The following ALDH1L1 variants were observed in gnomAD, a reference collection of about 807,000 sequenced individuals.
ALDH1L1 encodes aldehyde dehydrogenase 1 family member L1.
In ALDH1L1, 68 loss-of-function variants were observed where a neutral mutation model predicts 101.1. The observed-to-expected ratio is 0.67, with a 90% CI of 0.55 to 0.82. ALDH1L1 has a LOEUF of 0.82. ALDH1L1 is among the 40% of genes least tolerant of loss of function. The pLI is 0.00. For missense variants in ALDH1L1, 1,087 were observed against 1,172.7 expected (o/e 0.93, Z 1.07); for synonymous variants, 486 against 470.8 (o/e 1.03, Z -0.42).
intron 1 of ALDH1L1, among the ~76,000 whole-genome samples, chr3:126,172,440 T>C (rs1341732731): frequency 2.0e-5 from 3 of 152,110 alleles, no homozygotes; most frequent in African/African-American, 7.2e-5. Flanking sequence ...GCAAAGAATG[T>C]CTTTAATAGG....
chr3:126,176,939 G>A (rs148202979), intron 1 of ALDH1L1, among the ~76,000 whole-genome samples: 137 of 152,342 alleles, frequency 9.0e-4, no homozygotes, highest in African/African-American at 3.2e-3. Flanking sequence ...ACAGATGGCA[G>A]AGAAGCATTT....
intron 22 of ALDH1L1, chr3:126,105,180 G>A: frequency 5.3e-6 from 1 of 187,764 alleles, no homozygotes; most frequent in Non-Finnish European, 1.1e-5. Context: ...TCACCCGGGG[G>A]TACATTTGGT....
intron 17 of ALDH1L1, chr3:126,115,242 A>G: frequency 2.6e-6 from 1 of 377,888 alleles, no homozygotes; most frequent in South Asian, 1.9e-5. Context: ...GCTGGGAGTC[A>G]TGAACACATC....
intron 20 of ALDH1L1, among the ~76,000 whole-genome samples, chr3:126,107,554 G>A (rs1018726259): frequency 2.0e-5 from 3 of 152,366 alleles, no homozygotes; most frequent in East Asian, 3.9e-4. Flanking sequence ...ACCCATGGCC[G>A]AAGCAAAGAC....
chr3:126,180,272 G>C (rs2081449863), intron 1 of ALDH1L1: 1 of 209,958 alleles, frequency 4.8e-6, no homozygotes, highest in Non-Finnish European at 8.4e-6. Context: ...CCCCTGGCCA[G>C]GTTCAGCCTC....
At chr3:126,147,024 G>A (rs41265743) in intron 8 of ALDH1L1, 98 bp from the exon 9 acceptor site, 49,575 of 1,146,540 alleles carry the variant, frequency 0.043, 1,215 homozygotes, top group South Asian at 0.057. Flanking sequence ...GGATGGCCTG[G>A]GGCCAGGCTG....
chr3:126,146,101 T>G (rs1427926273), intron 9 of ALDH1L1, among the ~76,000 whole-genome samples: 1 of 152,168 alleles, frequency 6.6e-6, no homozygotes, highest in African/African-American at 2.4e-5. Context: ...CTCATATGCA[T>G]GGTCAATTGC....
chr3:126,174,925 T>C (rs2081344627), intron 1 of ALDH1L1, among the ~76,000 whole-genome samples: 1 of 152,032 alleles, frequency 6.6e-6, no homozygotes, highest in Non-Finnish European at 1.5e-5. Context: ...GAAAACATGC[T>C]GTCAATAGAG....
chr3:126,156,884 G>C (rs928789419), intron 4 of ALDH1L1, among the ~76,000 whole-genome samples: 1 of 152,200 alleles, frequency 6.6e-6, no homozygotes, highest in African/African-American at 2.4e-5. Context: ...CTGGAATCAA[G>C]AATTAGAATC....
chr3:126,105,796 G>A lies in ALDH1L1; in HGVS notation c.2583C>T (p.Asn861=), dbSNP rs779608112. 1 of 1,614,220 alleles carries A rather than the reference G, an allele frequency of 6.2e-7. No homozygotes were observed. The highest frequency in any genetic ancestry group is 8.5e-7 in the Non-Finnish European group (1 of 1,180,044). The change falls in exon 22 of 23, where the codon AAC becomes AAT. Residue 861 remains asparagine (N), a synonymous_variant. Transcript: ENST00000393434. The part of the protein sequence containing the change: ...DKLQAGTVFV[N]TYNKTDVAAP... ...CGGCCACGTCGGTCTTGTTGTACGT[G>A]TTGACAAACACAGTGCCTGCCTGGA...
At chr3:126,188,369 A>G (rs1289521351) in intron 1 of ALDH1L1, among the ~76,000 whole-genome samples, 1 of 152,238 alleles carries the variant, frequency 6.6e-6, no homozygotes, top group African/African-American at 2.4e-5. Flanking sequence ...GTGGGACTTC[A>G]GTATGCACGG....
chr3:126,112,983 C>T (rs1182867128), intron 18 of ALDH1L1, 103 bp from the exon 19 acceptor site: 38 of 983,668 alleles, frequency 3.9e-5, no homozygotes, highest in Non-Finnish European at 5.4e-5. Context: ...AAAGGAGGCA[C>T]CCATGTGTCC....
At chr3:126,137,538 A>G (rs931741053) in intron 10 of ALDH1L1, among the ~76,000 whole-genome samples, 1 of 152,208 alleles carries the variant, frequency 6.6e-6, no homozygotes, top group Non-Finnish European at 1.5e-5. Context: ...GTGGGAACTA[A>G]AAGTCTCTTC....
intron 4 of ALDH1L1, chr3:126,156,470 A>C (rs4234272): frequency 0.58 from 87,833 of 152,264 alleles, 25,983 homozygotes; most frequent in African/African-American, 0.7. Context: ...GCTGCGCCCA[A>C]ACAGCAAGGG....
Position 126,103,933 on chromosome 3 carries a change from C to G in ALDH1L1, c.2654-87G>C. 22 of 1,468,520 alleles carry G rather than the reference C, an allele frequency of 1.5e-5. 1 individual carries two copies. In the South Asian group the frequency reaches 2.6e-4, roughly 18 times the overall value. The allele number at this position is 1,468,520 out of a possible 1,614,324, so 91.0% of individuals were successfully genotyped here. ...CAAGTGTCTTATTCCTCAGCAACCA[C>G]GTGGGGGCAGCTCTGGCTCACCCCA... On this transcript the variant is annotated intron_variant, in intron 22 of 22. Coordinates refer to ENST00000393434, the MANE Select transcript of ALDH1L1 (RefSeq NM_012190.4).
At position 126,109,929 on chromosome 3, in the gene ALDH1L1, C is replaced by T. The variant is rs373455389; in HGVS notation, c.2347+15G>A. 6.2e-6 allele frequency: 10 copies of T among 1,612,978 alleles called. No individual in the cohort carries two copies. The highest frequency in any genetic ancestry group is 1.1e-5 in the South Asian group (1 of 91,076). ...CCTCAATTGACCCAAGCGGACCTGACACACTCTGACTCACCTGGCCGAGGG... is the reference window on the plus strand; with the variant it reads ...CCTCAATTGACCCAAGCGGACCTGATACACTCTGACTCACCTGGCCGAGGG... On this transcript the variant is annotated intron_variant, in intron 20 of 22. Transcript: ENST00000393434.
At position 126,154,599 on chromosome 3, in the gene ALDH1L1, G is replaced by A. The variant is rs567115373; in HGVS notation, c.675C>T (p.Arg225=). The change falls in exon 6 of 23, where the codon CGC becomes CGT. Residue 225 remains arginine (R), a synonymous_variant. Coordinates refer to ENST00000393434, the MANE Select transcript of ALDH1L1 (RefSeq NM_012190.4). ...QPAEAIHNWI[R]GNDKVPGAWT... is the part of the protein sequence containing the mutation. Reference sequence around the variant, plus strand: ...AGGCTCCCGGCACCTTGTCGTTCCCGCGGATCCAGTTGTGAATGGCCTCTG... The same window carrying A: ...AGGCTCCCGGCACCTTGTCGTTCCCACGGATCCAGTTGTGAATGGCCTCTG... The A allele has an allele frequency of 3.8e-5, 61 of 1,614,168 alleles. No homozygotes were observed. In the East Asian group the frequency reaches 4.0e-4, roughly 11 times the overall value.
chr3:126,112,981 C>A, intron 18 of ALDH1L1, 101 bp from the exon 19 acceptor site: 1 of 1,023,196 alleles, frequency 9.8e-7, no homozygotes, highest in Non-Finnish European at 1.5e-6. Flanking sequence ...GGAAAGGAGG[C>A]ACCCATGTGT....
At chr3:126,147,066 C>CCTGGG in intron 8 of ALDH1L1, 140 bp from the exon 9 acceptor site, 3 of 756,518 alleles carry the variant, frequency 4.0e-6, no homozygotes, top group Non-Finnish European at 6.3e-6. Context: ...GTTGTTGCCT[C>CCTGGG]ATCCCAGGAG....
Sources: gnomAD v4.1 joint callset for allele counts (sites outside exome capture counted in the v4.1 genomes callset) on GRCh38, gnomAD v4.1.1 for gene constraint, MANE v1.5 for transcripts, NCBI Gene and HGNC (gene_info 2026-07-23, HGNC 2026-07-21) for gene names.